The following RANBP17 variants were observed in gnomAD, a reference collection of about 807,000 sequenced individuals.
RANBP17 encodes the protein RAN binding protein 17.
RANBP17 carries 158 observed loss-of-function variants against 141.2 expected under a neutral mutation model. The observed-to-expected ratio is 1.12, with a 90% confidence interval of 0.98 to 1.28. RANBP17 has a LOEUF of 1.28. Ranked by LOEUF, RANBP17 falls within the 50% of genes most tolerant of loss-of-function variation. The probability of loss-of-function intolerance (pLI) is 0.00; values close to 1 mark genes in which losing one functional copy is unlikely to be tolerated. For synonymous variants in RANBP17, 430 were observed against 450.0 expected (o/e 0.96, Z 0.56); for missense variants, 1,438 against 1,290.7 (o/e 1.11, Z -1.75).
chr5:171,204,384 GC>G (rs1008998434), intron 19 of RANBP17, among the ~76,000 whole-genome samples: 5 of 152,098 alleles, frequency 3.3e-5, no homozygotes, highest in Non-Finnish European at 5.9e-5. Flanking sequence ...AATTGAATCA[GC>G]CATTAAGAGG....
At chr5:171,214,701 A>G (rs187146571) in intron 21 of RANBP17, among the ~76,000 whole-genome samples, 1 of 152,144 alleles carries the variant, frequency 6.6e-6, no homozygotes, top group African/African-American at 2.4e-5. Context: ...AGCCACTCTC[A>G]TAGGTGCCTT....
intron 14 of RANBP17, among the ~76,000 whole-genome samples, chr5:171,102,993 G>T (rs1468084427): frequency 6.6e-6 from 1 of 152,108 alleles, no homozygotes; most frequent in Middle Eastern, 3.2e-3. Flanking sequence ...GAGGGGTACC[G>T]GCCAGATGCG....
intron 18 of RANBP17, among the ~76,000 whole-genome samples, chr5:171,186,969 C>T (rs146455222): frequency 2.6e-5 from 4 of 152,206 alleles, no homozygotes; most frequent in Admixed American, 1.3e-4. Flanking sequence ...GGAGACCCAG[C>T]GTTTGACCTA....
intron 13 of RANBP17, among the ~76,000 whole-genome samples, chr5:170,966,673 A>G (rs1425540580): frequency 6.6e-6 from 1 of 152,090 alleles, no homozygotes; most frequent in Non-Finnish European, 1.5e-5. Flanking sequence ...TATTCAACAT[A>G]GTGTTGGAAG....
intron 25 of RANBP17, among the ~76,000 whole-genome samples, chr5:171,287,913 ATTT>A (rs1379291820): frequency 6.6e-6 from 1 of 151,608 alleles, no homozygotes. Context: ...AATAGTCTGA[ATTT>A]TTTTCTCCTG....
At chr5:171,291,930 C>T (rs1450466214) in intron 25 of RANBP17, among the ~76,000 whole-genome samples, 1 of 152,174 alleles carries the variant, frequency 6.6e-6, no homozygotes, top group East Asian at 1.9e-4. Flanking sequence ...CAAATGAATA[C>T]ACAGGAGAAC....
At chr5:170,967,617 A>G (rs1200931352) in intron 13 of RANBP17, among the ~76,000 whole-genome samples, 1 of 151,314 alleles carries the variant, frequency 6.6e-6, no homozygotes, top group African/African-American at 2.4e-5. Flanking sequence ...TCTAATAATA[A>G]TAGTTTTGAA....
chr5:171,274,145 TGTGTGCGCGC>T (rs1335619973), intron 25 of RANBP17, among the ~76,000 whole-genome samples: 2 of 129,698 alleles, frequency 1.5e-5, no homozygotes, highest in South Asian at 5.0e-4. Context: ...TGTGTGTGTG[TGTGTGCGCGC>T]GCGCGCGCGT....
chr5:171,114,620 G>C (rs1020456947), intron 14 of RANBP17, among the ~76,000 whole-genome samples: 1 of 150,808 alleles, frequency 6.6e-6, no homozygotes, highest in Admixed American at 6.7e-5. Context: ...TTCTTTCTTA[G>C]ATAATGAAAA....
intron 14 of RANBP17, among the ~76,000 whole-genome samples, chr5:171,022,193 G>C (rs563359804): frequency 6.6e-6 from 1 of 152,282 alleles, no homozygotes; most frequent in East Asian, 1.9e-4. Context: ...CTTTGACTTT[G>C]AGGGGCGCCA....
chr5:171,191,102 A>T (rs986384532), intron 18 of RANBP17, among the ~76,000 whole-genome samples: 1 of 152,220 alleles, frequency 6.6e-6, no homozygotes, highest in Non-Finnish European at 1.5e-5. Context: ...AGGGTAGCAC[A>T]GTATCCATAT....
At chr5:171,090,863 G>A (rs1395558967) in intron 14 of RANBP17, among the ~76,000 whole-genome samples, 1 of 152,212 alleles carries the variant, frequency 6.6e-6, no homozygotes, top group East Asian at 1.9e-4. Context: ...AAGAATTGAA[G>A]TTTGAGTACC....
chr5:171,100,799 G>A (rs968905122), intron 14 of RANBP17, among the ~76,000 whole-genome samples: 10 of 152,286 alleles, frequency 6.6e-5, no homozygotes, highest in East Asian at 1.9e-4. Flanking sequence ...GGGACGTTGC[G>A]TCTTTGTTCT....
intron 14 of RANBP17, among the ~76,000 whole-genome samples, chr5:171,021,022 T>A (rs1296255350): frequency 6.6e-6 from 1 of 152,208 alleles, no homozygotes; most frequent in Non-Finnish European, 1.5e-5. Context: ...TATTTCTCCT[T>A]CACTTATGAA....
In RANBP17 at chr5:170,932,296, G is replaced by A. The variant is rs951389707; in HGVS notation, c.1468+7746G>A. ...TTGCTGAAGTTGCTTATCAGCTTAA[G>A]GAGATTTTGGGCTGAGACAGTGGGG... On this transcript the variant is annotated intron_variant, in intron 12 of 27. Transcript: ENST00000523189. Among the ~76,000 whole-genome samples, 96 of 152,318 alleles carry A rather than the reference G, an allele frequency of 6.3e-4. No individual in the cohort carries two copies. In the East Asian group the frequency reaches 8.5e-3, roughly 13 times the overall value.
chr5:171,217,138 C>T (rs1188511932), intron 21 of RANBP17, among the ~76,000 whole-genome samples: 4 of 152,044 alleles, frequency 2.6e-5, no homozygotes, highest in Admixed American at 1.3e-4. Flanking sequence ...TGAATTTTAT[C>T]GAAGGCCTTT....
chr5:171,223,103 T>C (rs1050862356), intron 22 of RANBP17, among the ~76,000 whole-genome samples: 2 of 152,210 alleles, frequency 1.3e-5, no homozygotes, highest in African/African-American at 4.8e-5. Context: ...TTTAAGTTGT[T>C]TTTACCTCAT....
chr5:170,941,398 T>A (rs1268439402), intron 12 of RANBP17, among the ~76,000 whole-genome samples: 1 of 152,090 alleles, frequency 6.6e-6, no homozygotes, highest in African/African-American at 2.4e-5. Flanking sequence ...TAGAGGAAAT[T>A]TAATAATGGA....
chr5:170,918,905 A>G lies in RANBP17; in HGVS notation c.1101+46A>G, dbSNP rs777489669. On this transcript the variant is annotated intron_variant, in intron 10 of 27. Coordinates refer to ENST00000523189, the MANE Select transcript of RANBP17 (RefSeq NM_022897.5). The stretch of plus-strand genomic sequence containing the variant: ...ATGTTAAACTGTAGCCAGTTTTAAA[A>G]CAGCTTCTTGGTAAGGGTTGGTGGG... 9 of 1,310,318 alleles carry G rather than the reference A, an allele frequency of 6.9e-6. 1 individual carries two copies. The South Asian group carries it at 1.5e-4, about 22-fold the overall frequency. 81.2% of individuals were successfully genotyped at this position (1,310,318 alleles called of 1,614,324 possible).
Sources: gnomAD v4.1 joint callset for allele counts (sites outside exome capture counted in the v4.1 genomes callset) on GRCh38, gnomAD v4.1.1 for gene constraint, MANE v1.5 for transcripts, NCBI Gene and HGNC (gene_info 2026-07-23, HGNC 2026-07-21) for gene names.